Variants in ANKS1A observed in about 807,000 individuals in gnomAD.
The protein encoded by ANKS1A is ankyrin repeat and SAM domain-containing protein 1A.
In ANKS1A, 55 loss-of-function variants were observed where a neutral mutation model predicts 120.3. The observed-to-expected ratio is 0.46, with a 90% confidence interval of 0.37 to 0.57. ANKS1A has a LOEUF of 0.57. Ranked by LOEUF, ANKS1A falls within the 20% of genes least tolerant of loss-of-function variation. The probability of loss-of-function intolerance (pLI) is 0.00; values close to 1 mark genes in which losing one functional copy is unlikely to be tolerated. For missense variants in ANKS1A, 1,123 were observed against 1,480.3 expected (o/e 0.76, Z 3.96); for synonymous variants, 590 against 604.7 (o/e 0.98, Z 0.36).
intron 1 of ANKS1A, among the ~76,000 whole-genome samples, chr6:34,892,497 G>A (rs1418522677): frequency 6.6e-6 from 1 of 152,200 alleles, no homozygotes; most frequent in Non-Finnish European, 1.5e-5. Context: ...CTGAAGTAAA[G>A]CTGGCAGAAA....
intron 1 of ANKS1A, among the ~76,000 whole-genome samples, chr6:34,944,195 G>A (rs1165743888): frequency 2.6e-5 from 4 of 152,026 alleles, no homozygotes; most frequent in Admixed American, 6.6e-5. Flanking sequence ...GGAGAATGGC[G>A]TAAACCTGGG....
At chr6:34,911,291 GTTAT>G (rs1309545995) in intron 1 of ANKS1A, among the ~76,000 whole-genome samples, 1 of 152,134 alleles carries the variant, frequency 6.6e-6, no homozygotes, top group Non-Finnish European at 1.5e-5. Flanking sequence ...GGTTTATGTA[GTTAT>G]TTATTTACCG....
At position 35,050,176 on chromosome 6, in the gene ANKS1A, A is replaced by G. The variant is rs1171846693; in HGVS notation, c.2011-3923A>G. ...TTGTTTTCAGCCATATGGGGAATAC[A>G]TTTTACACAGCCCTGGCAGGGAAAA... is the stretch of plus-strand genomic sequence containing the variant. On this transcript the variant is annotated intron_variant, in intron 11 of 23. Transcript: ENST00000360359. This position sits in a 1 kb window ranked among gnomAD's most constrained non-coding sequence, Gnocchi z 4.3. 6.6e-6 allele frequency among the ~76,000 whole-genome samples: 1 copy of G among 152,196 alleles called. No individual in the cohort carries two copies. The highest frequency in any genetic ancestry group is 1.5e-5 in the Non-Finnish European group (1 of 68,036).
intron 11 of ANKS1A, among the ~76,000 whole-genome samples, chr6:35,048,364 A>G (rs1775816534): frequency 6.6e-6 from 1 of 152,136 alleles, no homozygotes; most frequent in African/African-American, 2.4e-5. Context: ...CGCTCTGTGG[A>G]AAAGGGAGTT....
At chr6:35,077,847 C>T (rs1174329667) in intron 13 of ANKS1A, among the ~76,000 whole-genome samples, 1 of 152,138 alleles carries the variant, frequency 6.6e-6, no homozygotes, top group Admixed American at 6.5e-5. Context: ...AAGTGGGATG[C>T]GCCAGGTGAA....
At chr6:35,039,091 T>G (rs9462043) in intron 11 of ANKS1A, among the ~76,000 whole-genome samples, 10,901 of 113,564 alleles carry the variant, frequency 0.096, 472 homozygotes, top group Admixed American at 0.16. Flanking sequence ...TGTGTGTGTG[T>G]GGGGGGGGGT....
At chr6:35,051,515 A>G (rs539194405) in intron 11 of ANKS1A, among the ~76,000 whole-genome samples, 29 of 152,344 alleles carry the variant, frequency 1.9e-4, no homozygotes, top group South Asian at 1.2e-3. Flanking sequence ...AGCACGCTGC[A>G]TGGCCGTGGA....
chr6:34,979,059 G>T (rs933314652), intron 3 of ANKS1A, among the ~76,000 whole-genome samples: 1 of 151,640 alleles, frequency 6.6e-6, no homozygotes, highest in East Asian at 2.0e-4. Flanking sequence ...CCACGCCCGG[G>T]TAATTTTTTG....
chr6:35,018,490 A>G (rs1417186486), intron 11 of ANKS1A, among the ~76,000 whole-genome samples: 1 of 152,050 alleles, frequency 6.6e-6, no homozygotes, highest in East Asian at 1.9e-4. Flanking sequence ...AGGACAGGGT[A>G]AGTCTGGGGG....
intron 1 of ANKS1A, among the ~76,000 whole-genome samples, chr6:34,934,570 A>G (rs549474037): frequency 1.8e-4 from 27 of 152,178 alleles, no homozygotes; most frequent in Non-Finnish European, 3.1e-4. Flanking sequence ...CTGTCTGGTT[A>G]TTATCAGTTT....
intron 10 of ANKS1A, among the ~76,000 whole-genome samples, chr6:35,004,058 G>A (rs1045112583): frequency 2.6e-5 from 4 of 152,118 alleles, no homozygotes; most frequent in Admixed American, 6.5e-5. Context: ...AAAACTTCCC[G>A]GTCTGTTCTG....
chr6:35,082,609 C>A lies in ANKS1A; in HGVS notation c.2710-82C>A, dbSNP rs1321389731. 1.3e-6 allele frequency: 2 copies of A among 1,506,990 alleles called. No individual in the cohort carries two copies. Among genetic ancestry groups the A allele is most frequent in the Non-Finnish European group, 1.8e-6 (2 of 1,127,800 alleles). 93.4% of individuals were successfully genotyped at this position (1,506,990 alleles called of 1,614,324 possible). A position where few individuals can be genotyped will look rare whatever the true frequency, so the allele number is the denominator to read the frequency against. On this transcript the variant is annotated intron_variant, in intron 17 of 23. Coordinates refer to ENST00000360359, the MANE Select transcript of ANKS1A (RefSeq NM_015245.3). The surrounding 1 kb of genome is among the most constrained non-coding windows in gnomAD (Gnocchi z 4.1). Reference sequence around the variant, plus strand: ...TGCTAAGGTCACTGGCATCTTCACCCTTGAGTGTGCTGGAGCCAGGCAGCA... The same window carrying A: ...TGCTAAGGTCACTGGCATCTTCACCATTGAGTGTGCTGGAGCCAGGCAGCA...
At chr6:35,005,688 T>C (rs1581632515) in intron 10 of ANKS1A, 2 of 437,200 alleles carry the variant, frequency 4.6e-6, no homozygotes, top group African/African-American at 2.1e-5. Flanking sequence ...AATGAATTTG[T>C]ATTTTTTTAA....
At chr6:35,007,723 C>T (rs565546084) in intron 10 of ANKS1A, among the ~76,000 whole-genome samples, 1 of 152,326 alleles carries the variant, frequency 6.6e-6, no homozygotes, top group African/African-American at 2.4e-5. Flanking sequence ...GAATGATTAT[C>T]TGAAGACAGT....
intron 1 of ANKS1A, among the ~76,000 whole-genome samples, chr6:34,894,518 G>A (rs775519177): frequency 6.6e-6 from 1 of 152,084 alleles, no homozygotes; most frequent in Non-Finnish European, 1.5e-5. Flanking sequence ...CAGGCGTGAT[G>A]GTGTGCACCT....
rs536902232 is a variant in ANKS1A at position 34,889,309 on chromosome 6, G to C, written c.-94G>C. The C allele has an allele frequency of 4.9e-6, 6 of 1,220,428 alleles. No homozygotes were observed. The highest frequency in any genetic ancestry group is 4.0e-5 in the South Asian group (1 of 25,006). 75.6% of individuals were successfully genotyped at this position (1,220,428 alleles called of 1,614,324 possible). Reference sequence around the variant, plus strand: ...AGGGGGTGGTGTCCCCAGCCGGTTTGGGGGGTGCGTTGCCCGGAGACGGAA... The same window carrying C: ...AGGGGGTGGTGTCCCCAGCCGGTTTCGGGGGTGCGTTGCCCGGAGACGGAA... On this transcript the variant is annotated 5_prime_UTR_variant, in exon 1 of 24. Transcript: ENST00000360359. The surrounding 1 kb of genome is among the most constrained non-coding windows in gnomAD (Gnocchi z 5.5).
chr6:35,086,079 C>T lies in ANKS1A; in HGVS notation c.3303+143C>T, dbSNP rs904912827. ...AATGACCCTCTTAATTGTCCCCCAACCCTGCCAGGTCTCGCCCCTGGAAAG... is the reference window on the plus strand; with the variant it reads ...AATGACCCTCTTAATTGTCCCCCAATCCTGCCAGGTCTCGCCCCTGGAAAG... On this transcript the variant is annotated intron_variant, in intron 22 of 23. Transcript: ENST00000360359. The surrounding 1 kb of genome is among the most constrained non-coding windows in gnomAD (Gnocchi z 5.1). 3.8e-6 allele frequency: 5 copies of T among 1,311,274 alleles called. No individual in the cohort carries two copies. Among genetic ancestry groups the T allele is most frequent in the Non-Finnish European group, 5.1e-6 (5 of 983,210 alleles). 81.2% of individuals were successfully genotyped at this position (1,311,274 alleles called of 1,614,324 possible).
At position 35,010,587 on chromosome 6, in the gene ANKS1A, A is replaced by G. The variant is rs971038442; in HGVS notation, c.1424-6886A>G. 2.0e-5 allele frequency among the ~76,000 whole-genome samples: 3 copies of G among 152,348 alleles called. No individual in the cohort carries two copies. The East Asian group carries it at 5.8e-4, about 29-fold the overall frequency. On this transcript the variant is annotated intron_variant, in intron 10 of 23. Coordinates refer to ENST00000360359, the MANE Select transcript of ANKS1A (RefSeq NM_015245.3). ...TTGTCTTTATTCTAGGTGGCTGTGA[A>G]CCTGTCTAAAAGTCCCATAACCAAG...
Position 34,981,654 on chromosome 6 carries a change from G to T in ANKS1A, c.436-36G>T, listed in dbSNP as rs1771912314. 3.1e-6 allele frequency: 5 copies of T among 1,595,856 alleles called. No homozygotes were observed. The African/African-American group carries it at 5.4e-5, about 17-fold the overall frequency. ...CCCAGTCAGGTGCCTGTCTGCCAGT[G>T]ACCTTTCTGATGTGATCTGCTTGTT... On this transcript the variant is annotated intron_variant, in intron 3 of 23. Coordinates refer to ENST00000360359, the MANE Select transcript of ANKS1A (RefSeq NM_015245.3).
Sources: allele counts gnomAD v4.1 joint callset (sites outside exome capture counted in the v4.1 genomes callset), GRCh38; gene constraint gnomAD v4.1.1; non-coding constraint Gnocchi (gnomAD v3.1); transcripts MANE v1.5; gene names NCBI Gene and HGNC (gene_info 2026-07-23, HGNC 2026-07-21).